The following SH3GL2 variants were observed in gnomAD, a reference collection of about 807,000 sequenced individuals.
SH3GL2 encodes endophilin-A1.
Under a neutral mutation model 46.0 loss-of-function variants are expected in SH3GL2, and 24 were observed. That is an observed-to-expected ratio of 0.52 (90% confidence interval 0.38 to 0.73). SH3GL2 has a LOEUF of 0.73. Among genes scored for constraint, SH3GL2 ranks in the 30% least tolerant of loss-of-function variants. The pLI, the probability that SH3GL2 is intolerant of heterozygous loss-of-function variation, is 0.00. For synonymous variants in SH3GL2, 196 were observed against 147.1 expected (o/e 1.33, Z -2.40); for missense variants, 413 against 424.2 (o/e 0.97, Z 0.23).
At chr9:17,667,312 C>G (rs1820368643) in intron 1 of SH3GL2, among the ~76,000 whole-genome samples, 1 of 152,076 alleles carries the variant, frequency 6.6e-6, no homozygotes, top group South Asian at 2.1e-4. Context: ...AGAAAATGTT[C>G]TAATTCTAGA....
At chr9:17,756,578 TG>T (rs1822996102) in intron 2 of SH3GL2, among the ~76,000 whole-genome samples, 1 of 151,016 alleles carries the variant, frequency 6.6e-6, no homozygotes, top group African/African-American at 2.4e-5. Flanking sequence ...TTGCGGTGTT[TG>T]GTTTTTTGTC....
chr9:17,711,393 A>C (rs1821618221), intron 1 of SH3GL2, among the ~76,000 whole-genome samples: 1 of 151,858 alleles, frequency 6.6e-6, no homozygotes, highest in Non-Finnish European at 1.5e-5. Context: ...ACATCTGTGA[A>C]TTGATCACTG....
chr9:17,770,743 C>G (rs1022077149), intron 3 of SH3GL2, among the ~76,000 whole-genome samples: 2 of 152,142 alleles, frequency 1.3e-5, no homozygotes, highest in Non-Finnish European at 2.9e-5. Flanking sequence ...AAGGAGAGGA[C>G]CACATGTCAA....
intron 1 of SH3GL2, among the ~76,000 whole-genome samples, chr9:17,684,367 T>G (rs1186008304): frequency 1.3e-5 from 2 of 152,060 alleles, no homozygotes; most frequent in Non-Finnish European, 2.9e-5. Context: ...ATTTGAAGAT[T>G]GGTCAGAAGA....
intron 1 of SH3GL2, among the ~76,000 whole-genome samples, chr9:17,581,994 A>G (rs548173768): frequency 3.3e-5 from 5 of 152,322 alleles, no homozygotes; most frequent in South Asian, 4.1e-4. Flanking sequence ...GCCTGGGTTT[A>G]TAAGTGGAAG....
intron 1 of SH3GL2, among the ~76,000 whole-genome samples, chr9:17,619,327 T>G (rs1015362689): frequency 2.0e-5 from 3 of 152,206 alleles, no homozygotes; most frequent in African/African-American, 7.2e-5. Flanking sequence ...GAATTTCCCC[T>G]GTTGTCTTAA....
At chr9:17,770,029 A>C (rs9406705) in intron 3 of SH3GL2, among the ~76,000 whole-genome samples, 15,464 of 152,230 alleles carry the variant, frequency 0.1, 848 homozygotes, top group Non-Finnish European at 0.11. Flanking sequence ...TGTGAAGCAT[A>C]CATAAGCTCC....
At chr9:17,757,018 C>T (rs1359725857) in intron 2 of SH3GL2, among the ~76,000 whole-genome samples, 1 of 152,184 alleles carries the variant, frequency 6.6e-6, no homozygotes, top group Non-Finnish European at 1.5e-5. Flanking sequence ...GATTACCATT[C>T]TAACTGGTGT....
intron 1 of SH3GL2, among the ~76,000 whole-genome samples, chr9:17,621,633 C>T (rs1438587422): frequency 6.6e-6 from 1 of 152,142 alleles, no homozygotes; most frequent in African/African-American, 2.4e-5. Flanking sequence ...GATGATACTT[C>T]AAGTTTGAGG....
chr9:17,710,750 C>G (rs948493757), intron 1 of SH3GL2, among the ~76,000 whole-genome samples: 1 of 151,826 alleles, frequency 6.6e-6, no homozygotes, highest in African/African-American at 2.4e-5. Flanking sequence ...TAGGGATAAA[C>G]CTTATAGACA....
chr9:17,660,039 A>G (rs530775867), intron 1 of SH3GL2, among the ~76,000 whole-genome samples: 2 of 152,304 alleles, frequency 1.3e-5, no homozygotes, highest in South Asian at 2.1e-4. Context: ...TCTACCACCT[A>G]TTGGGCTATG....
At chr9:17,598,506 C>T (rs532371014) in intron 1 of SH3GL2, among the ~76,000 whole-genome samples, 3 of 152,260 alleles carry the variant, frequency 2.0e-5, no homozygotes, top group African/African-American at 7.2e-5. Flanking sequence ...GAGAAGAAAC[C>T]AGGCCTTTGC....
chr9:17,682,825 G>A (rs528621270), intron 1 of SH3GL2, among the ~76,000 whole-genome samples: 1 of 152,052 alleles, frequency 6.6e-6, no homozygotes, highest in African/African-American at 2.4e-5. Flanking sequence ...CTCATAGTTT[G>A]CAAGTTAACA....
At chr9:17,580,211 A>G (rs1356423858) in intron 1 of SH3GL2, among the ~76,000 whole-genome samples, 2 of 152,196 alleles carry the variant, frequency 1.3e-5, no homozygotes, top group Non-Finnish European at 2.9e-5. Flanking sequence ...AATAGGTTCA[A>G]ATTTATGGGA....
chr9:17,792,403 A>C (rs1379858836), intron 7 of SH3GL2, among the ~76,000 whole-genome samples: 1 of 152,168 alleles, frequency 6.6e-6, no homozygotes, highest in Admixed American at 6.5e-5. Context: ...AATATGTTCA[A>C]AGTCAGTATC....
intron 1 of SH3GL2, among the ~76,000 whole-genome samples, chr9:17,694,906 G>A (rs1821166407): frequency 6.6e-6 from 1 of 151,978 alleles, no homozygotes; most frequent in African/African-American, 2.4e-5. Context: ...ATGGAGTAGG[G>A]GAGGCAGTGG....
intron 1 of SH3GL2, among the ~76,000 whole-genome samples, chr9:17,628,377 C>G (rs1465997536): frequency 6.6e-6 from 1 of 151,630 alleles, no homozygotes; most frequent in African/African-American, 2.4e-5. Context: ...AAATGCATCT[C>G]TAGTTCTGGG....
At chr9:17,683,058 TC>T (rs1820814892) in intron 1 of SH3GL2, among the ~76,000 whole-genome samples, 1 of 152,064 alleles carries the variant, frequency 6.6e-6, no homozygotes, top group Non-Finnish European at 1.5e-5. Flanking sequence ...TAGCCTGAAA[TC>T]TAAGGAAAAG....
intron 1 of SH3GL2, among the ~76,000 whole-genome samples, chr9:17,743,868 A>G (rs1165572090): frequency 6.6e-6 from 1 of 152,248 alleles, no homozygotes; most frequent in African/African-American, 2.4e-5. Context: ...AAATGTGATT[A>G]ACACAGGGTT....
Sources: gnomAD v4.1 joint callset for allele counts (sites outside exome capture counted in the v4.1 genomes callset) on GRCh38, gnomAD v4.1.1 for gene constraint, MANE v1.5 for transcripts, NCBI Gene and HGNC (gene_info 2026-07-23, HGNC 2026-07-21) for gene names.